The following CHD7 variants were observed in gnomAD, a reference collection of about 807,000 sequenced individuals.
CHD7 encodes chromodomain helicase DNA binding protein 7.
Under a neutral mutation model 307.3 loss-of-function variants are expected in CHD7, and 24 were observed. The ratio of observed to expected loss-of-function variants is 0.08; its 90% confidence interval spans 0.06 to 0.11. The LOEUF is 0.11. Ranked by LOEUF, CHD7 falls within the 10% of genes least tolerant of loss-of-function variation. CHD7 has a pLI of 1.00. For synonymous variants in CHD7, 1,363 were observed against 1,349.9 expected, an observed-to-expected ratio of 1.01 and a Z score of -0.21; for missense variants, 3,106 against 3,727.1, an observed-to-expected ratio of 0.83 and a Z score of 4.34.
intron 3 of CHD7, among the ~76,000 whole-genome samples, chr8:60,794,600 G>A (rs952024082): frequency 4.6e-5 from 7 of 152,000 alleles, no homozygotes; most frequent in Non-Finnish European, 7.4e-5. Flanking sequence ...ATCCACAAAA[G>A]GCACAAAGAG....
At chr8:60,840,938 C>T (rs1435821175) in intron 19 of CHD7, among the ~76,000 whole-genome samples, 1 of 152,096 alleles carries the variant, frequency 6.6e-6, no homozygotes, top group Non-Finnish European at 1.5e-5. Context: ...GTTTCTAAAC[C>T]ACCTTCTTTT....
In CHD7 at chr8:60,848,581, G is replaced by T. The variant is rs768337293; in HGVS notation, c.5277G>T (p.Lys1759Asn). The change falls in exon 24 of 38, where the codon AAG (lysine) becomes AAT (asparagine). Residue 1759 changes from lysine to asparagine, a missense_variant. Around this residue, in one of 10 missense-constraint regions of CHD7, gnomAD observed 1,030 missense variants for 1,165.4 expected, o/e 0.88. Coordinates refer to ENST00000423902, the MANE Select transcript of CHD7 (RefSeq NM_017780.4). ...AAGTGATAGGAGACCAGGCGGATAA[G>T]ATCTTAGAGGGTGCTGACTCAAGGT... ...RQEVIGDQAD[K>N]ILEGADSSEA... is the part of the protein sequence containing the mutation. 1.9e-6 allele frequency: 3 copies of T among 1,613,538 alleles called. No individual in the cohort carries two copies. The highest frequency in any genetic ancestry group is 2.2e-5 in the South Asian group (2 of 90,906).
At chr8:60,693,585 C>A (rs555854731) in intron 1 of CHD7, among the ~76,000 whole-genome samples, 1 of 152,166 alleles carries the variant, frequency 6.6e-6, no homozygotes, top group Non-Finnish European at 1.5e-5. Flanking sequence ...CCTCAGCTAT[C>A]GAGCCCCTGC....
At chr8:60,837,880 C>G (rs748311241) in intron 18 of CHD7, 45 bp downstream of exon 18, 5 of 1,538,200 alleles carry the variant, frequency 3.3e-6, no homozygotes, top group Middle Eastern at 3.4e-4. Flanking sequence ...CTGGCACTTT[C>G]CTTTATTTAA....
chr8:60,818,106 C>G (rs1803833190), intron 8 of CHD7, among the ~76,000 whole-genome samples: 1 of 152,174 alleles, frequency 6.6e-6, no homozygotes, highest in Non-Finnish European at 1.5e-5. Context: ...TAGCAATCCC[C>G]TTCCTCCCTC....
chr8:60,837,588 G>C, intron 17 of CHD7, 80 bp from the exon 18 acceptor site: 1 of 1,239,576 alleles, frequency 8.1e-7, no homozygotes. Flanking sequence ...ATTGGAATGA[G>C]GGTTTCAGCA....
At chr8:60,811,773 G>A (rs1205296665) in intron 7 of CHD7, among the ~76,000 whole-genome samples, 2 of 151,774 alleles carry the variant, frequency 1.3e-5, no homozygotes, top group African/African-American at 4.8e-5. Flanking sequence ...CTTCCTTCAT[G>A]TTGTATGAAT....
intron 16 of CHD7, 85 bp from the exon 17 acceptor site, chr8:60,836,732 T>A (rs1335806886): frequency 2.1e-6 from 2 of 953,414 alleles, no homozygotes; most frequent in Non-Finnish European, 3.2e-6. Flanking sequence ...ATATATTCCA[T>A]ATTGTAATAA....
In CHD7 at chr8:60,830,369, C is replaced by A. The variant is rs752478875; in HGVS notation, c.3570C>A (p.Leu1190=). The A allele has an allele frequency of 1.9e-6, 3 of 1,613,840 alleles. No homozygotes were observed. The highest frequency in any genetic ancestry group is 2.5e-6 in the Non-Finnish European group (3 of 1,179,850). Residue 1190 remains leucine, a synonymous_variant, in exon 15 of 38, where the codon CTC becomes CTA. Transcript: ENST00000423902. The part of the protein sequence containing the change: ...AILKPMMLRR[L]KEDVEKNLAP... ...TAAAGCCAATGATGTTGAGACGTCTCAAAGAGGATGTAGAAAAGAACTTGG... is the reference window on the plus strand; with the variant it reads ...TAAAGCCAATGATGTTGAGACGTCTAAAAGAGGATGTAGAAAAGAACTTGG...
chr8:60,708,914 G>T (rs762764263), intron 1 of CHD7, among the ~76,000 whole-genome samples: 12 of 152,100 alleles, frequency 7.9e-5, no homozygotes, highest in Non-Finnish European at 1.3e-4. Flanking sequence ...CACAAGTGAG[G>T]TGCAGAGGTA....
rs143027488 is a variant in CHD7, at chr8:60,795,975, G to C, written c.2238+848G>C. Among the ~76,000 whole-genome samples the C allele has an allele frequency of 7.2e-3, 1,091 of 152,218 alleles. 18 individuals are homozygous for C. Among genetic ancestry groups the C allele is most frequent in the South Asian group, 0.042 (204 of 4,820 alleles). On this transcript the variant is annotated intron_variant, in intron 4 of 37. Transcript: ENST00000423902. ...AGCTTACTGGACTTTTTCTTATTTA[G>C]TACACACTCAGGACTTTGCACCTGT...
In CHD7 at chr8:60,742,528, C is replaced by A; in HGVS notation, c.1096C>A (p.Pro366Thr). Reference protein sequence around the residue: ...NSGQGLMHQQPIHPSGSLNQM... With the variant: ...NSGQGLMHQQTIHPSGSLNQM... Reference sequence around the variant, plus strand: ...TGGTCAAGGACTAATGCACCAGCAGCCCATCCACCCCAGTGGCTCACTTAA... The same window carrying A: ...TGGTCAAGGACTAATGCACCAGCAGACCATCCACCCCAGTGGCTCACTTAA... Residue 366 changes from proline (P) to threonine (T), a missense_variant, in exon 2 of 38, where the codon CCC becomes ACC. Transcript: ENST00000423902. 1 of 1,614,040 alleles carries A rather than the reference C, an allele frequency of 6.2e-7. No individual in the cohort carries two copies. Among genetic ancestry groups the A allele is most frequent in the Non-Finnish European group, 8.5e-7 (1 of 1,179,904 alleles).
intron 2 of CHD7, among the ~76,000 whole-genome samples, chr8:60,750,293 C>T (rs1809570932): frequency 6.6e-6 from 1 of 152,072 alleles, no homozygotes; most frequent in Non-Finnish European, 1.5e-5. Flanking sequence ...AAAGGCAGTA[C>T]CACATGAAAG....
intron 7 of CHD7, among the ~76,000 whole-genome samples, chr8:60,814,593 A>C (rs114742794): frequency 0.012 from 1,758 of 152,260 alleles, 36 homozygotes; most frequent in African/African-American, 0.039. Context: ...TTACAGGCAC[A>C]TGCCACCACG....
chr8:60,802,178 A>G (rs1023631298), intron 6 of CHD7, among the ~76,000 whole-genome samples: 1 of 152,266 alleles, frequency 6.6e-6, no homozygotes, highest in Non-Finnish European at 1.5e-5. Flanking sequence ...AGCTCTAAGT[A>G]TCTGTCACTA....
chr8:60,732,049 G>A (rs1366582853), intron 1 of CHD7, among the ~76,000 whole-genome samples: 1 of 152,226 alleles, frequency 6.6e-6, no homozygotes, highest in Non-Finnish European at 1.5e-5. Flanking sequence ...TTCTAGCAAA[G>A]AGAATAGACA....
chr8:60,855,943 A>C (rs1373492205), intron 32 of CHD7, 32 bp from the exon 33 acceptor site: 1 of 1,457,544 alleles, frequency 6.9e-7, no homozygotes, highest in African/African-American at 1.4e-5. Context: ...GGGCTTTGTT[A>C]AAATTTCTTG....
chr8:60,808,111 T>C, intron 6 of CHD7, 106 bp from the exon 7 acceptor site: 1 of 797,404 alleles, frequency 1.3e-6, no homozygotes, highest in East Asian at 2.7e-5. Flanking sequence ...GGTCCTTTGC[T>C]GCTCTTTTCA....
intron 1 of CHD7, among the ~76,000 whole-genome samples, chr8:60,691,690 A>G (rs1335624754): frequency 1.3e-5 from 2 of 152,340 alleles, no homozygotes; most frequent in Non-Finnish European, 2.9e-5. Flanking sequence ...CAGGATTAAG[A>G]AGGTACAGAG....
Sources: gnomAD v4.1 joint callset for allele counts (sites outside exome capture counted in the v4.1 genomes callset) on GRCh38, gnomAD v4.1.1 for gene constraint, gnomAD v4.1.1 regional missense constraint, MANE v1.5 for transcripts, NCBI Gene and HGNC (gene_info 2026-07-23, HGNC 2026-07-21) for gene names.